The following ATP11B variants were observed in gnomAD, a reference collection of about 807,000 sequenced individuals.
The protein encoded by ATP11B is phospholipid-transporting ATPase IF.
Under a neutral mutation model 157.8 loss-of-function variants are expected in ATP11B, and 81 were observed. The ratio of observed to expected loss-of-function variants is 0.51; its 90% CI spans 0.43 to 0.62. The LOEUF is 0.62. Among genes scored for constraint, ATP11B ranks in the 20% least tolerant of loss-of-function variants. The probability of loss-of-function intolerance (pLI) is 0.00; values close to 1 mark genes in which losing one functional copy is unlikely to be tolerated. For synonymous variants in ATP11B, 451 were observed against 469.4 expected (o/e 0.96, Z 0.51); for missense variants, 1,165 against 1,402.2 (o/e 0.83, Z 2.70).
intron 19 of ATP11B, among the ~76,000 whole-genome samples, chr3:182,878,787 C>T (rs952510849): frequency 3.9e-5 from 6 of 152,124 alleles, no homozygotes; most frequent in Non-Finnish European, 8.8e-5. Flanking sequence ...TATCGTGAAT[C>T]TTGCTCATGG....
At chr3:182,914,969 A>G (rs1264598602) in intron 29 of ATP11B, 1 of 984,866 alleles carries the variant, frequency 1.0e-6, no homozygotes, top group Non-Finnish European at 1.2e-6. Flanking sequence ...GTGCTACATG[A>G]ATATTAGCAC....
chr3:182,920,493 A>ATAT lies in ATP11B; in HGVS notation c.*2391_*2393dup, dbSNP rs373035969. ...ATCACAAGGAAAGTGTCCCCTTTGC[A>ATAT]TATTTCTTTAAAATTCTTTCTTTGG... is the stretch of plus-strand genomic sequence containing the variant. On this transcript the variant is annotated 3_prime_UTR_variant, in exon 30 of 30. Transcript: ENST00000323116. The ATAT allele has an allele frequency of 1.1e-3, 172 of 152,364 alleles. No individual in the cohort carries two copies. The highest frequency in any genetic ancestry group is 3.9e-3 in the African/African-American group (161 of 41,586). 9.4% of individuals were successfully genotyped at this position (152,364 alleles called of 1,614,324 possible).
At chr3:182,821,159 G>A (rs1448633450) in intron 2 of ATP11B, among the ~76,000 whole-genome samples, 1 of 152,114 alleles carries the variant, frequency 6.6e-6, no homozygotes, top group Non-Finnish European at 1.5e-5. Context: ...ACCCAGGCTG[G>A]AATGCAGTGG....
chr3:182,909,039 A>G (rs1285397667), intron 28 of ATP11B, among the ~76,000 whole-genome samples: 1 of 152,264 alleles, frequency 6.6e-6, no homozygotes, highest in Non-Finnish European at 1.5e-5. Flanking sequence ...TTAAAAAACA[A>G]AAACCTTTAT....
At chr3:182,811,213 T>C (rs1269383025) in intron 1 of ATP11B, among the ~76,000 whole-genome samples, 4 of 152,186 alleles carry the variant, frequency 2.6e-5, no homozygotes, top group Non-Finnish European at 5.9e-5. Flanking sequence ...AAACAGCACT[T>C]CATAAAAGTT....
At chr3:182,818,720 G>C (rs1385489388) in intron 1 of ATP11B, among the ~76,000 whole-genome samples, 1 of 152,140 alleles carries the variant, frequency 6.6e-6, no homozygotes, top group East Asian at 1.9e-4. Flanking sequence ...CACTATCTGT[G>C]TATGTCTGTG....
At chr3:182,897,772 G>A (rs59108404) in intron 27 of ATP11B, among the ~76,000 whole-genome samples, 72,852 of 151,764 alleles carry the variant, frequency 0.48, 20,307 homozygotes, top group African/African-American at 0.77. Context: ...TGTATTATGT[G>A]TTAATATATA....
At chr3:182,879,754 A>G (rs1233567284) in intron 20 of ATP11B, 105 bp downstream of exon 20, 7 of 1,054,070 alleles carry the variant, frequency 6.6e-6, no homozygotes, top group South Asian at 2.3e-5. Context: ...TGCAATATAT[A>G]CATTTTGCTA....
At chr3:182,854,914 G>T (rs1314810738) in intron 10 of ATP11B, among the ~76,000 whole-genome samples, 1 of 151,864 alleles carries the variant, frequency 6.6e-6, no homozygotes, top group African/African-American at 2.4e-5. Flanking sequence ...ACTGAGGAAA[G>T]AAATCAAAGA....
At position 182,827,311 on chromosome 3, in the gene ATP11B, T is replaced by G. The variant is rs775917547; in HGVS notation, c.145-809T>G. 5.2e-4 allele frequency among the ~76,000 whole-genome samples: 79 copies of G among 152,152 alleles called. 3 individuals are homozygous for G. Among genetic ancestry groups the G allele is most frequent in the Non-Finnish European group, 2.9e-5 (2 of 67,990 alleles). ...TAATAATAAGCACTTTTATAGCAAT[T>G]AGTATGAGCCAGGTTCTGTCCTAAG... On this transcript the variant is annotated intron_variant, in intron 2 of 29. Transcript: ENST00000323116.
At chr3:182,851,422 A>G (rs1281661641) in intron 10 of ATP11B, among the ~76,000 whole-genome samples, 3 of 152,004 alleles carry the variant, frequency 2.0e-5, no homozygotes, top group Admixed American at 6.5e-5. Context: ...TTTCTTCTCA[A>G]TTTGGGTCTA....
intron 29 of ATP11B, chr3:182,916,389 T>C: frequency 8.1e-6 from 8 of 985,388 alleles, no homozygotes; most frequent in Non-Finnish European, 8.4e-6. Context: ...AGTGTTTTTA[T>C]GTGACAGATT....
chr3:182,914,633 A>C (rs1446669807), intron 29 of ATP11B: 3 of 985,304 alleles, frequency 3.0e-6, no homozygotes, highest in Middle Eastern at 5.2e-4. Context: ...GGAGTAAAAG[A>C]ATCTTAGCAT....
At chr3:182,817,982 C>T (rs138753809) in intron 1 of ATP11B, among the ~76,000 whole-genome samples, 81 of 152,200 alleles carry the variant, frequency 5.3e-4, no homozygotes, top group African/African-American at 2.0e-3. Context: ...AGCTATAAAT[C>T]AGTGTTTAAA....
chr3:182,887,577 T>C lies in ATP11B; in HGVS notation c.2716-9T>C. On this transcript the variant is annotated splice_polypyrimidine_tract_variant and intron_variant, in intron 23 of 29. Coordinates refer to ENST00000323116, the MANE Select transcript of ATP11B (RefSeq NM_014616.3). ...GAAACTCAACATTCCTACCAATTTC[T>C]CTTTCTAGACATTGTATGACAGCGT... is the stretch of plus-strand genomic sequence containing the variant. 5 of 1,602,354 alleles carry C rather than the reference T, an allele frequency of 3.1e-6. No homozygotes were observed. The highest frequency in any genetic ancestry group is 4.3e-6 in the Non-Finnish European group (5 of 1,176,418).
intron 28 of ATP11B, among the ~76,000 whole-genome samples, chr3:182,907,297 C>T (rs1724438168): frequency 1.3e-5 from 2 of 152,116 alleles, no homozygotes; most frequent in Admixed American, 1.3e-4. Context: ...AATTACTAGT[C>T]AAGAAAGTGC....
At chr3:182,826,784 CT>C (rs1161237752) in intron 2 of ATP11B, among the ~76,000 whole-genome samples, 1 of 152,146 alleles carries the variant, frequency 6.6e-6, no homozygotes, top group Non-Finnish European at 1.5e-5. Flanking sequence ...TTCTGGGAAC[CT>C]AACTCTGTTT....
At chr3:182,898,435 A>G (rs376404570) in intron 27 of ATP11B, among the ~76,000 whole-genome samples, 172 bp from the exon 28 acceptor site, 1 of 152,134 alleles carries the variant, frequency 6.6e-6, no homozygotes, top group African/African-American at 2.4e-5. Context: ...TTTTATTTTT[A>G]ACAATTAAAG....
At chr3:182,877,059 A>G (rs1722094535) in intron 19 of ATP11B, among the ~76,000 whole-genome samples, 1 of 152,234 alleles carries the variant, frequency 6.6e-6, no homozygotes, top group South Asian at 2.1e-4. Flanking sequence ...ACAAAGATAT[A>G]TTGTCACCTG....
Sources: gnomAD v4.1 joint callset for allele counts (sites outside exome capture counted in the v4.1 genomes callset) on GRCh38, gnomAD v4.1.1 for gene constraint, MANE v1.5 for transcripts, NCBI Gene and HGNC (gene_info 2026-07-23, HGNC 2026-07-21) for gene names.